The following SULF1 variants were observed in gnomAD, a reference collection of about 807,000 sequenced individuals.
SULF1 encodes the protein extracellular sulfatase Sulf-1.
Under a neutral mutation model 110.5 loss-of-function variants are expected in SULF1, and 46 were observed. The ratio of observed to expected loss-of-function variants is 0.42; its 90% CI spans 0.33 to 0.53. The LOEUF (loss-of-function observed/expected upper bound fraction) is 0.53, where lower values mean the gene tolerates loss of function less well. SULF1 is among the 20% of genes least tolerant of loss of function. The probability of loss-of-function intolerance (pLI) is 0.12; values close to 1 mark genes in which losing one functional copy is unlikely to be tolerated. For synonymous variants in SULF1, 371 were observed against 387.1 expected (o/e 0.96, Z 0.49); for missense variants, 941 against 1,094.2 (o/e 0.86, Z 1.98).
intron 6 of SULF1, among the ~76,000 whole-genome samples, chr8:69,578,952 A>G (rs933111878): frequency 1.6e-4 from 24 of 151,720 alleles, no homozygotes; most frequent in Admixed American, 1.5e-3. Flanking sequence ...TCACGAGGTC[A>G]GGAGATCGAG....
chr8:69,646,334 T>TA (rs534768735), intron 22 of SULF1, among the ~76,000 whole-genome samples: 120 of 152,316 alleles, frequency 7.9e-4, no homozygotes, highest in Non-Finnish European at 1.3e-3. Flanking sequence ...TTACAACACT[T>TA]ACTGTGGTCC....
intron 1 of SULF1, among the ~76,000 whole-genome samples, chr8:69,484,965 A>C (rs532046003): frequency 3.9e-4 from 59 of 152,136 alleles, no homozygotes; most frequent in African/African-American, 1.4e-3. Flanking sequence ...CAGCCTCCTG[A>C]GTATCTGGGA....
chr8:69,559,209 C>G (rs1815313074), intron 3 of SULF1, among the ~76,000 whole-genome samples: 1 of 152,132 alleles, frequency 6.6e-6, no homozygotes, highest in African/African-American at 2.4e-5. Flanking sequence ...AGTGATAATT[C>G]ATTAAAGGTT....
upstream of SULF1, among the ~76,000 whole-genome samples, chr8:69,490,377 A>G (rs1419495999): frequency 6.6e-6 from 1 of 152,166 alleles, no homozygotes; most frequent in Non-Finnish European, 1.5e-5. Context: ...CTGGCATTAT[A>G]GGCATGAGCC....
intron 13 of SULF1, among the ~76,000 whole-genome samples, chr8:69,613,859 C>T (rs764930747): frequency 1.3e-5 from 2 of 152,028 alleles, no homozygotes; most frequent in Non-Finnish European, 2.9e-5. Context: ...ATTCTCATGA[C>T]TATCCATGAA....
At chr8:69,632,010 G>A (rs927497644) in intron 19 of SULF1, among the ~76,000 whole-genome samples, 2 of 152,198 alleles carry the variant, frequency 1.3e-5, no homozygotes, top group African/African-American at 4.8e-5. Context: ...CTATGATACT[G>A]TATTCCTGAC....
At chr8:69,641,000 A>G (rs1811432745) in intron 22 of SULF1, 159 bp downstream of exon 22, 2 of 553,918 alleles carry the variant, frequency 3.6e-6, no homozygotes, top group Admixed American at 4.0e-5. Flanking sequence ...GTCATTGATC[A>G]CAGAACTGTC....
At chr8:69,617,181 G>T (rs1184969323) in intron 13 of SULF1, among the ~76,000 whole-genome samples, 2 of 151,362 alleles carry the variant, frequency 1.3e-5, no homozygotes, top group African/African-American at 4.9e-5. Flanking sequence ...ATATGTTAAT[G>T]GAGTTGTCTG....
chr8:69,507,688 A>G (rs914959365), intron 3 of SULF1, among the ~76,000 whole-genome samples: 1 of 152,192 alleles, frequency 6.6e-6, no homozygotes, highest in Non-Finnish European at 1.5e-5. Context: ...TTGAAGTACT[A>G]TAGGCTTTTT....
At chr8:69,651,254 T>C (rs112297766) in intron 22 of SULF1, among the ~76,000 whole-genome samples, 3,445 of 152,180 alleles carry the variant, frequency 0.023, 51 homozygotes, top group Middle Eastern at 0.037. Context: ...GGTTTCACCA[T>C]GTTGGCCAGG....
At chr8:69,603,101 G>A (rs1248467816) in intron 10 of SULF1, 91 bp from the exon 11 acceptor site, 1 of 1,559,056 alleles carries the variant, frequency 6.4e-7, no homozygotes, top group Non-Finnish European at 8.8e-7. Context: ...AAGAGTTGAA[G>A]GCCAATGAGT....
intron 8 of SULF1, among the ~76,000 whole-genome samples, chr8:69,599,913 A>G (rs1476664236): frequency 6.6e-6 from 1 of 152,166 alleles, no homozygotes; most frequent in Non-Finnish European, 1.5e-5. Flanking sequence ...GAACTAACCT[A>G]TCCTGGAACA....
intron 2 of SULF1, among the ~76,000 whole-genome samples, chr8:69,497,127 C>T (rs1424636210): frequency 8.6e-5 from 13 of 150,456 alleles, no homozygotes; most frequent in South Asian, 4.2e-4. Flanking sequence ...TCCAAGGTGA[C>T]GGAAGCTAAA....
rs761389674 is a variant in SULF1 at position 69,589,001 on chromosome 8, G to A, written c.594G>A (p.Glu198=). The change falls in exon 8 of 23, where the codon GAG becomes GAA. Residue 198 remains glutamate (E), a synonymous_variant. Transcript: ENST00000402687. ...ACTTCACAGACTTAATCACTAACGA[G>A]AGCATTAATTACTTCAAAATGTCTA... ...KDYFTDLITN[E]SINYFKMSKR... is the part of the protein sequence containing the mutation. 1 of 1,613,866 alleles carries A rather than the reference G, an allele frequency of 6.2e-7. No individual in the cohort carries two copies. The highest frequency in any genetic ancestry group is 8.5e-7 in the Non-Finnish European group (1 of 1,179,914).
intron 22 of SULF1, among the ~76,000 whole-genome samples, chr8:69,643,147 A>T (rs1811616906): frequency 6.6e-6 from 1 of 152,242 alleles, no homozygotes; most frequent in Non-Finnish European, 1.5e-5. Context: ...GTGGGCAGGA[A>T]ATCTTGACAT....
chr8:69,503,163 T>G (rs1471811390), intron 3 of SULF1, among the ~76,000 whole-genome samples: 3 of 152,220 alleles, frequency 2.0e-5, no homozygotes, highest in Non-Finnish European at 4.4e-5. Context: ...ACTTATCGAA[T>G]TAAACATTTT....
intron 3 of SULF1, among the ~76,000 whole-genome samples, chr8:69,561,639 G>A (rs976383623): frequency 6.6e-6 from 1 of 152,152 alleles, no homozygotes; most frequent in Non-Finnish European, 1.5e-5. Flanking sequence ...CTACCTGGTT[G>A]CTACCATCAG....
chr8:69,535,286 G>A (rs1813358042), intron 3 of SULF1, among the ~76,000 whole-genome samples: 1 of 152,220 alleles, frequency 6.6e-6, no homozygotes, highest in South Asian at 2.1e-4. Context: ...AGACAACAGA[G>A]CACTGACTTC....
chr8:69,500,192 T>A (rs1268518779), intron 2 of SULF1, among the ~76,000 whole-genome samples: 1 of 152,192 alleles, frequency 6.6e-6, no homozygotes, highest in Non-Finnish European at 1.5e-5. Flanking sequence ...CTAAAAAAAA[T>A]CAGTCCAAGT....
Sources: allele counts gnomAD v4.1 joint callset (sites outside exome capture counted in the v4.1 genomes callset), GRCh38; gene constraint gnomAD v4.1.1; transcripts MANE v1.5; gene names NCBI Gene and HGNC (gene_info 2026-07-23, HGNC 2026-07-21).